Variants in LINGO2 observed in about 807,000 individuals in gnomAD.
LINGO2 encodes leucine rich repeat and Ig domain containing 2.
A neutral mutation model predicts 30.6 loss-of-function variants in LINGO2; 14 were observed. That is an observed-to-expected ratio of 0.46 (90% CI 0.30 to 0.72). LINGO2 has a LOEUF of 0.72. LINGO2 is among the 30% of genes least tolerant of loss of function. LINGO2 has a pLI of 0.07. For missense variants in LINGO2, 729 were observed against 751.7 expected (o/e 0.97, Z 0.35); for synonymous variants, 317 against 288.5 (o/e 1.10, Z -1.00).
chr9:28,852,520 A>T, the LINGO2 span, among the ~76,000 whole-genome samples: 1 of 152,018 alleles, frequency 6.6e-6, no homozygotes, highest in Admixed American at 6.6e-5. Context: ...ATGCATACAG[A>T]GCTACTGCCC....
chr9:28,744,207 C>A, the LINGO2 span, among the ~76,000 whole-genome samples: 2,419 of 151,332 alleles, frequency 0.016, 40 homozygotes, highest in Non-Finnish European at 0.025. Context: ...TTTCTCTTTG[C>A]TGATATTCTC....
intron 3 of LINGO2, among the ~76,000 whole-genome samples, chr9:28,342,371 A>T (rs1490026081): frequency 3.3e-5 from 5 of 152,132 alleles, no homozygotes; most frequent in African/African-American, 1.2e-4. Context: ...AAACACGCAA[A>T]CTTTATCGCT....
the LINGO2 span, among the ~76,000 whole-genome samples, chr9:28,987,994 T>C: frequency 6.6e-6 from 1 of 152,124 alleles, no homozygotes; most frequent in South Asian, 2.1e-4. Flanking sequence ...CTTAGAAGAG[T>C]GTATTTTCTG....
chr9:28,196,009 A>T (rs1675580008), intron 4 of LINGO2, among the ~76,000 whole-genome samples: 1 of 151,648 alleles, frequency 6.6e-6, no homozygotes, highest in South Asian at 2.1e-4. Context: ...TATTTATATA[A>T]TCAACTATAT....
intron 2 of LINGO2, among the ~76,000 whole-genome samples, chr9:28,451,109 C>T (rs1372728050): frequency 6.6e-6 from 1 of 151,792 alleles, no homozygotes; most frequent in East Asian, 1.9e-4. Context: ...AACAAAAATA[C>T]AGTTCCATAT....
chr9:28,274,987 C>T (rs1243224288), intron 4 of LINGO2, among the ~76,000 whole-genome samples: 2 of 152,160 alleles, frequency 1.3e-5, no homozygotes, highest in African/African-American at 2.4e-5. Context: ...GATTTCCTGT[C>T]AGTATGAGTA....
chr9:28,366,472 A>C (rs998592893), intron 3 of LINGO2, among the ~76,000 whole-genome samples: 5 of 152,168 alleles, frequency 3.3e-5, no homozygotes. Flanking sequence ...ACCAAAGCCA[A>C]ATTGCATCTC....
At chr9:29,005,006 A>G in the LINGO2 span, among the ~76,000 whole-genome samples, 2 of 151,982 alleles carry the variant, frequency 1.3e-5, no homozygotes, top group Non-Finnish European at 2.9e-5. Context: ...AGTATCTGCC[A>G]TGTGGTAAGT....
At chr9:28,753,121 T>C in the LINGO2 span, among the ~76,000 whole-genome samples, 1 of 151,782 alleles carries the variant, frequency 6.6e-6, no homozygotes, top group African/African-American at 2.4e-5. Flanking sequence ...TCACACAAAA[T>C]CCCAGGTGCA....
intron 1 of LINGO2, among the ~76,000 whole-genome samples, chr9:28,519,728 G>A (rs1433037018): frequency 6.6e-6 from 1 of 152,152 alleles, no homozygotes; most frequent in Non-Finnish European, 1.5e-5. Flanking sequence ...AGGCAAGACT[G>A]CAGCTTGTCT....
chr9:28,095,510 T>C (rs538828540), intron 4 of LINGO2, among the ~76,000 whole-genome samples: 2 of 152,076 alleles, frequency 1.3e-5, no homozygotes, highest in South Asian at 4.1e-4. Context: ...TAGCCATATG[T>C]AGAAAGCTGA....
At chr9:29,017,368 C>A in the LINGO2 span, among the ~76,000 whole-genome samples, 1 of 152,228 alleles carries the variant, frequency 6.6e-6, no homozygotes, top group East Asian at 1.9e-4. Flanking sequence ...TGATTCTCAG[C>A]TTTTTGAAAT....
At chr9:28,815,501 CA>C in the LINGO2 span, among the ~76,000 whole-genome samples, 1 of 152,112 alleles carries the variant, frequency 6.6e-6, no homozygotes, top group Admixed American at 6.5e-5. Flanking sequence ...TCCATTAACT[CA>C]AAAAGCTGAT....
chr9:28,589,286 G>C (rs1824741419), intron 1 of LINGO2, among the ~76,000 whole-genome samples: 1 of 152,044 alleles, frequency 6.6e-6, no homozygotes, highest in Non-Finnish European at 1.5e-5. Flanking sequence ...ACATAGTGTT[G>C]GAAGTTCTGG....
chr9:28,884,144 A>C, the LINGO2 span, among the ~76,000 whole-genome samples: 3 of 151,392 alleles, frequency 2.0e-5, no homozygotes, highest in African/African-American at 7.3e-5. Flanking sequence ...TAGTTGAACA[A>C]AGTATAAAAA....
At chr9:29,087,069 G>T in the LINGO2 span, among the ~76,000 whole-genome samples, 2 of 152,072 alleles carry the variant, frequency 1.3e-5, no homozygotes, top group East Asian at 3.9e-4. Context: ...TAGAGACGGG[G>T]TTTCACCATG....
intron 1 of LINGO2, among the ~76,000 whole-genome samples, chr9:28,586,900 G>T (rs1824571669): frequency 6.6e-6 from 1 of 151,932 alleles, no homozygotes; most frequent in Non-Finnish European, 1.5e-5. Flanking sequence ...TACACAAAAT[G>T]CCATAAGCCA....
At chr9:28,831,201 C>G in the LINGO2 span, among the ~76,000 whole-genome samples, 1 of 152,208 alleles carries the variant, frequency 6.6e-6, no homozygotes, top group African/African-American at 2.4e-5. Flanking sequence ...ACATTCCCTT[C>G]CTTGTGTTAA....
At chr9:28,413,306 C>A (rs1822842466) in intron 2 of LINGO2, among the ~76,000 whole-genome samples, 1 of 152,044 alleles carries the variant, frequency 6.6e-6, no homozygotes, top group South Asian at 2.1e-4. Context: ...GTTTATCTAT[C>A]ATTTAAGCTT....
Sources: gnomAD v4.1 joint callset for allele counts (sites outside exome capture counted in the v4.1 genomes callset) on GRCh38, gnomAD v4.1.1 for gene constraint, MANE v1.5 for transcripts, NCBI Gene and HGNC (gene_info 2026-07-23, HGNC 2026-07-21) for gene names.